Variants in PPM1D observed in about 807,000 individuals in gnomAD.
The protein encoded by PPM1D is protein phosphatase 1D.
Under a neutral mutation model 58.3 loss-of-function variants are expected in PPM1D, and 52 were observed. That is an observed-to-expected ratio of 0.89 (90% CI 0.71 to 1.12). The LOEUF (loss-of-function observed/expected upper bound fraction) is 1.12. Ranked by LOEUF, PPM1D falls within the 50% of genes most tolerant of loss-of-function variation. The probability of loss-of-function intolerance (pLI) is 0.00; values close to 1 mark genes in which losing one functional copy is unlikely to be tolerated. For synonymous variants in PPM1D, 278 were observed against 285.1 expected, an observed-to-expected ratio of 0.98 and a Z score of 0.25; for missense variants, 564 against 777.2, an observed-to-expected ratio of 0.73 and a Z score of 3.26.
Position 60,643,780 on chromosome 17 carries a change from G to A in PPM1D, c.827-4112G>A, listed in dbSNP as rs1364221119. 8.6e-5 allele frequency among the ~76,000 whole-genome samples: 13 copies of A among 151,886 alleles called. No individual in the cohort carries two copies. In the East Asian group the frequency reaches 2.5e-3, roughly 29 times the overall value. On this transcript the variant is annotated intron_variant, in intron 3 of 5. Transcript: ENST00000305921. Reference sequence around the variant, plus strand: ...CAGCAATGTAGTCCTGTAGCCAAAAGTGAGTTTACCCGTTCATGAACCCCT... The same window carrying A: ...CAGCAATGTAGTCCTGTAGCCAAAAATGAGTTTACCCGTTCATGAACCCCT...
intron 1 of PPM1D, among the ~76,000 whole-genome samples, chr17:60,614,741 C>T (rs180863754): frequency 9.9e-5 from 15 of 152,154 alleles, no homozygotes; most frequent in East Asian, 1.9e-4. Flanking sequence ...CCAGAAGGAA[C>T]GAACAACTCC....
rs1296277444 is a variant in PPM1D at position 60,623,690 on chromosome 17, A to G, written c.642A>G (p.Thr214=). The change falls in exon 2 of 6, where the codon ACA becomes ACG. Residue 214 remains threonine, a synonymous_variant. Coordinates refer to ENST00000305921, the MANE Select transcript of PPM1D (RefSeq NM_003620.4). ...ACTTTGTCAGAGCTGTGGAGGTGAC[A>G]CAGGACCATAAGCCAGAACTTCCCA... The part of the protein sequence containing the change: ...KDDFVRAVEV[T]QDHKPELPKE... The G allele has an allele frequency of 1.2e-6, 2 of 1,614,238 alleles. No individual in the cohort carries two copies. Among genetic ancestry groups the G allele is most frequent in the African/African-American group, 1.3e-5 (1 of 75,060 alleles).
chr17:60,632,332 A>G (rs375378854), intron 2 of PPM1D, among the ~76,000 whole-genome samples: 15 of 152,202 alleles, frequency 9.9e-5, no homozygotes, highest in African/African-American at 3.1e-4. Context: ...CACAAAGTCT[A>G]GTCTCAAACT....
At chr17:60,642,961 G>A (rs574073685) in intron 3 of PPM1D, among the ~76,000 whole-genome samples, 3 of 151,750 alleles carry the variant, frequency 2.0e-5, no homozygotes, top group Admixed American at 1.3e-4. Flanking sequence ...CCACCTACTC[G>A]GGAGGCTGAG....
At chr17:60,645,673 T>C (rs912016285) in intron 3 of PPM1D, among the ~76,000 whole-genome samples, 1 of 143,460 alleles carries the variant, frequency 7.0e-6, no homozygotes, top group African/African-American at 2.6e-5. Flanking sequence ...CACACACACA[T>C]ATACATATAC....
At chr17:60,622,356 A>G (rs2030724807) in intron 1 of PPM1D, among the ~76,000 whole-genome samples, 1 of 151,924 alleles carries the variant, frequency 6.6e-6, no homozygotes, top group South Asian at 2.1e-4. Context: ...GTGTGTGTCT[A>G]TATGTTGTGG....
In PPM1D at chr17:60,627,917, C is replaced by G. The variant is rs1195652861; in HGVS notation, c.701+4168C>G. 4.1e-5 allele frequency among the ~76,000 whole-genome samples: 6 copies of G among 147,114 alleles called. No homozygotes were observed. In the South Asian group the frequency reaches 1.3e-3, roughly 32 times the overall value. Reference sequence around the variant, plus strand: ...TTTTTTTTTTGAGACTTGAGTTTTGCTCTTATTGCCCAGGCTGGAGTGCAG... The same window carrying G: ...TTTTTTTTTTGAGACTTGAGTTTTGGTCTTATTGCCCAGGCTGGAGTGCAG... On this transcript the variant is annotated intron_variant, in intron 2 of 5. Transcript: ENST00000305921.
intron 1 of PPM1D, among the ~76,000 whole-genome samples, chr17:60,615,356 G>A (rs2030560914): frequency 6.6e-6 from 1 of 152,050 alleles, no homozygotes; most frequent in Admixed American, 6.6e-5. Context: ...GTTGTGGTGA[G>A]CCAAGATCAT....
intron 1 of PPM1D, among the ~76,000 whole-genome samples, chr17:60,619,111 A>C (rs1207051538): frequency 6.6e-6 from 1 of 151,938 alleles, no homozygotes. Flanking sequence ...TTTAGATTCC[A>C]CGTATAAGTA....
chr17:60,662,927 C>G lies in PPM1D; in HGVS notation c.1261-68C>G, dbSNP rs111769128. On this transcript the variant is annotated intron_variant, in intron 5 of 5. Transcript: ENST00000305921. ...ACTAGCTTCATAAGAAGCCTAATAT[C>G]ACATGCATAGATTTGTTGAGTTCTG... The G allele has an allele frequency of 1.6e-3, 2,225 of 1,421,698 alleles. 28 individuals are homozygous for G. In the African/African-American group the frequency reaches 0.026, roughly 17 times the overall value. The allele number at this position is 1,421,698 out of a possible 1,614,324, so 88.1% of individuals were successfully genotyped here.
intron 3 of PPM1D, among the ~76,000 whole-genome samples, chr17:60,644,068 G>A (rs1420855814): frequency 2.0e-5 from 3 of 151,382 alleles, no homozygotes; most frequent in East Asian, 1.9e-4. Flanking sequence ...TAGTAGAGCC[G>A]GGGTTTCACC....
At chr17:60,649,990 GAGAT>G (rs747317996) in intron 4 of PPM1D, among the ~76,000 whole-genome samples, 2 of 152,128 alleles carry the variant, frequency 1.3e-5, no homozygotes, top group Non-Finnish European at 2.9e-5. Flanking sequence ...TGATCTGAGA[GAGAT>G]CATTTCAATG....
chr17:60,620,067 C>T (rs976966283), intron 1 of PPM1D, among the ~76,000 whole-genome samples: 13 of 152,044 alleles, frequency 8.6e-5, no homozygotes, highest in South Asian at 2.1e-4. Context: ...GGCATGATCT[C>T]GGCCCACTGT....
intron 3 of PPM1D, among the ~76,000 whole-genome samples, chr17:60,645,532 A>ATATATGTATATATGTGTG (rs1567974643): frequency 7.5e-5 from 9 of 119,390 alleles, no homozygotes; most frequent in African/African-American, 3.9e-4. Flanking sequence ...GTATATATAT[A>ATATATGTATATATGTGTG]TGTGTATATA....
chr17:60,647,844 ATT>A (rs780213383), intron 3 of PPM1D, 46 bp from the exon 4 acceptor site: 15 of 1,519,186 alleles, frequency 9.9e-6, no homozygotes, highest in African/African-American at 2.8e-5. Flanking sequence ...CTGTTGTACT[ATT>A]AGCTTCCAAC....
chr17:60,606,779 T>C (rs1187743774), intron 1 of PPM1D, among the ~76,000 whole-genome samples: 1 of 152,148 alleles, frequency 6.6e-6, no homozygotes, highest in Non-Finnish European at 1.5e-5. Context: ...CAGTATGGAA[T>C]GAAAGAGTAT....
intron 1 of PPM1D, among the ~76,000 whole-genome samples, chr17:60,619,762 G>A (rs7225169): frequency 0.047 from 7,070 of 151,886 alleles, 585 homozygotes; most frequent in African/African-American, 0.16. Context: ...TACCATGCCC[G>A]GCTAATTTTT....
At chr17:60,607,186 A>G (rs149875771) in intron 1 of PPM1D, among the ~76,000 whole-genome samples, 3 of 152,204 alleles carry the variant, frequency 2.0e-5, no homozygotes, top group East Asian at 1.9e-4. Context: ...ATTCATGATC[A>G]TAAGTTTTAG....
chr17:60,613,577 C>T (rs896792933), intron 1 of PPM1D, among the ~76,000 whole-genome samples: 28 of 152,366 alleles, frequency 1.8e-4, no homozygotes, highest in Non-Finnish European at 2.6e-4. Context: ...TGGCCGAGGC[C>T]GGAGCCGGCT....
Sources: allele counts gnomAD v4.1 joint callset (sites outside exome capture counted in the v4.1 genomes callset), GRCh38; gene constraint gnomAD v4.1.1; transcripts MANE v1.5; gene names NCBI Gene and HGNC (gene_info 2026-07-23, HGNC 2026-07-21).